The following OSTF1 variants were observed in gnomAD, a reference collection of about 807,000 sequenced individuals.
OSTF1 encodes the protein osteoclast-stimulating factor 1.
OSTF1 carries 27 observed loss-of-function variants against 37.2 expected under a neutral mutation model. That is an observed-to-expected ratio of 0.73 (90% CI 0.54 to 1.00). The LOEUF (loss-of-function observed/expected upper bound fraction) is 1.00. Ranked by LOEUF, OSTF1 falls within the 50% of genes least tolerant of loss-of-function variation. The pLI, the probability that OSTF1 is intolerant of heterozygous loss-of-function variation, is 0.00. For synonymous variants in OSTF1, 82 were observed against 89.2 expected (o/e 0.92, Z 0.46); for missense variants, 232 against 253.8 (o/e 0.91, Z 0.58).
rs1439342305 is a variant in OSTF1 at position 75,140,823 on chromosome 9, G to A, written c.488-11G>A. 1.2e-6 allele frequency: 2 copies of A among 1,603,712 alleles called. No homozygotes were observed. The highest frequency in any genetic ancestry group is 1.7e-6 in the Non-Finnish European group (2 of 1,171,050). Reference sequence around the variant, plus strand: ...CAAAGACACCTAATTGACTTTTCTTGTGTTGGGAAGGTGCTAGAACAGACT... The same window carrying A: ...CAAAGACACCTAATTGACTTTTCTTATGTTGGGAAGGTGCTAGAACAGACT... On this transcript the variant is annotated splice_polypyrimidine_tract_variant and intron_variant, in intron 8 of 9. Transcript: ENST00000346234.
intron 7 of OSTF1, among the ~76,000 whole-genome samples, chr9:75,137,277 C>G (rs906866865): frequency 1.3e-5 from 2 of 152,192 alleles, no homozygotes; most frequent in African/African-American, 4.8e-5. Flanking sequence ...TCCTGGATCT[C>G]CCTCCGCAGG....
intron 2 of OSTF1, among the ~76,000 whole-genome samples, chr9:75,124,590 T>G (rs913067008): frequency 3.3e-5 from 5 of 152,222 alleles, no homozygotes; most frequent in African/African-American, 1.2e-4. Flanking sequence ...TTTGGTGGTG[T>G]TTAGTACATT....
chr9:75,137,081 GTCA>G (rs1173606847), intron 7 of OSTF1, among the ~76,000 whole-genome samples: 1 of 152,186 alleles, frequency 6.6e-6, no homozygotes, highest in African/African-American at 2.4e-5. Context: ...AAGTAAATCT[GTCA>G]TCATTATTGG....
At chr9:75,095,300 G>A (rs1037113828) in intron 1 of OSTF1, among the ~76,000 whole-genome samples, 1 of 152,174 alleles carries the variant, frequency 6.6e-6, no homozygotes, top group East Asian at 1.9e-4. Context: ...TTTCCAAATC[G>A]CTTTTCAAAG....
At position 75,134,466 on chromosome 9, in the gene OSTF1, G is replaced by A. The variant is rs1825813223; in HGVS notation, c.408+71G>A. On this transcript the variant is annotated intron_variant, in intron 7 of 9. Coordinates refer to ENST00000346234, the MANE Select transcript of OSTF1 (RefSeq NM_012383.5). ...GTCTTTAGTACAGAGCAACTCATGG[G>A]CATGTGAAGTATTGTAGTCAAAATC... 6 of 744,072 alleles carry A rather than the reference G, an allele frequency of 8.1e-6. No individual in the cohort carries two copies. The South Asian group carries it at 1.0e-4, about 13-fold the overall frequency. 46.1% of individuals were successfully genotyped at this position (744,072 alleles called of 1,614,324 possible). A position where few individuals can be genotyped will look rare whatever the true frequency, so the allele number is the denominator to read the frequency against.
At chr9:75,127,657 G>T (rs769484327) in intron 3 of OSTF1, 38 bp downstream of exon 3, 2 of 1,106,712 alleles carry the variant, frequency 1.8e-6, no homozygotes, top group Non-Finnish European at 1.3e-6. Context: ...CACATATAAA[G>T]ACTGTTTTAT....
intron 2 of OSTF1, among the ~76,000 whole-genome samples, chr9:75,118,743 A>G (rs1478311757): frequency 6.6e-6 from 1 of 152,158 alleles, no homozygotes; most frequent in Non-Finnish European, 1.5e-5. Context: ...TGAAAGGGGA[A>G]ACCCCTTATA....
intron 1 of OSTF1, among the ~76,000 whole-genome samples, chr9:75,096,407 C>T (rs751789269): frequency 1.3e-4 from 20 of 152,100 alleles, no homozygotes; most frequent in Non-Finnish European, 2.2e-4. Flanking sequence ...TTCTTGGGAC[C>T]GAAGAATGCA....
chr9:75,108,610 T>A (rs1825332005), intron 1 of OSTF1, among the ~76,000 whole-genome samples: 1 of 152,140 alleles, frequency 6.6e-6, no homozygotes, highest in African/African-American at 2.4e-5. Flanking sequence ...TGAGAGAGTG[T>A]GATTGCTAGT....
intron 2 of OSTF1, among the ~76,000 whole-genome samples, chr9:75,119,601 A>G (rs1250394321): frequency 6.6e-6 from 1 of 152,184 alleles, no homozygotes; most frequent in Admixed American, 6.5e-5. Context: ...TGGCTTGTAG[A>G]TGTCAGACTT....
At chr9:75,138,090 T>A (rs1183389883) in intron 8 of OSTF1, among the ~76,000 whole-genome samples, 1 of 152,220 alleles carries the variant, frequency 6.6e-6, no homozygotes, top group African/African-American at 2.4e-5. Flanking sequence ...GATATCTTGA[T>A]CCCCTGTTTT....
At chr9:75,145,253 C>A (rs1263363530) in intron 9 of OSTF1, among the ~76,000 whole-genome samples, 1 of 152,118 alleles carries the variant, frequency 6.6e-6, no homozygotes, top group Non-Finnish European at 1.5e-5. Flanking sequence ...ACCTACCTAG[C>A]TATGTATCAA....
chr9:75,115,972 C>A (rs1455197313), intron 1 of OSTF1, among the ~76,000 whole-genome samples: 1 of 152,004 alleles, frequency 6.6e-6, no homozygotes. Context: ...GGTATGGTGG[C>A]AGGTGCCCGT....
At chr9:75,111,596 C>T (rs75206976) in intron 1 of OSTF1, among the ~76,000 whole-genome samples, 11,815 of 152,134 alleles carry the variant, frequency 0.078, 985 homozygotes, top group African/African-American at 0.21. Flanking sequence ...TTAACCTTAA[C>T]TCAGTTGAAT....
intron 9 of OSTF1, among the ~76,000 whole-genome samples, chr9:75,142,941 A>AC (rs1343251894): frequency 8.6e-6 from 1 of 115,656 alleles, no homozygotes; most frequent in African/African-American, 3.1e-5. Context: ...ATTGTTGTCC[A>AC]CTTTTTTTTT....
At chr9:75,125,388 A>T (rs1825645806) in intron 2 of OSTF1, among the ~76,000 whole-genome samples, 3 of 152,228 alleles carry the variant, frequency 2.0e-5, no homozygotes, top group African/African-American at 7.2e-5. Flanking sequence ...GTGGTCATTG[A>T]TCGATCATCA....
At chr9:75,144,145 G>A (rs1437134628) in intron 9 of OSTF1, among the ~76,000 whole-genome samples, 1 of 152,226 alleles carries the variant, frequency 6.6e-6, no homozygotes, top group African/African-American at 2.4e-5. Flanking sequence ...GGTCCTGGGT[G>A]TGTGTTGGGG....
intron 7 of OSTF1, among the ~76,000 whole-genome samples, chr9:75,136,367 G>A (rs758505627): frequency 2.0e-5 from 3 of 151,866 alleles, no homozygotes; most frequent in Admixed American, 2.0e-4. Context: ...GGCTTTCCAC[G>A]AACACTTGGT....
intron 2 of OSTF1, among the ~76,000 whole-genome samples, chr9:75,121,713 G>C (rs1825583178): frequency 6.6e-6 from 1 of 152,198 alleles, no homozygotes; most frequent in African/African-American, 2.4e-5. Flanking sequence ...GTTGGAAGCT[G>C]TTTGGTCTCT....
Sources: gnomAD v4.1 joint callset for allele counts (sites outside exome capture counted in the v4.1 genomes callset) on GRCh38, gnomAD v4.1.1 for gene constraint, MANE v1.5 for transcripts, NCBI Gene and HGNC (gene_info 2026-07-23, HGNC 2026-07-21) for gene names.